Variants in TNK2 observed in about 807,000 individuals in gnomAD.
The protein encoded by TNK2 is tyrosine kinase non receptor 2.
A neutral mutation model predicts 101.8 loss-of-function variants in TNK2; 83 were observed. The ratio of observed to expected loss-of-function variants is 0.82; its 90% confidence interval spans 0.68 to 0.98. The LOEUF is 0.98. Ranked by LOEUF, TNK2 falls within the 50% of genes least tolerant of loss-of-function variation. The pLI, the probability that TNK2 is intolerant of heterozygous loss-of-function variation, is 0.00. For missense variants in TNK2, 1,665 were observed against 1,483.2 expected (o/e 1.12, Z -2.01); for synonymous variants, 804 against 633.0 (o/e 1.27, Z -4.06).
At chr3:195,887,879 C>G (rs538267761) in intron 2 of TNK2, among the ~76,000 whole-genome samples, 12 of 135,372 alleles carry the variant, frequency 8.9e-5, no homozygotes, top group Admixed American at 8.0e-4. Flanking sequence ...CGTGTGAGCG[C>G]GTGCGTACGC....
intron 9 of TNK2, among the ~76,000 whole-genome samples, chr3:195,873,480 G>A (rs1032356093): frequency 6.6e-6 from 1 of 151,658 alleles, no homozygotes; most frequent in Non-Finnish European, 1.5e-5. Context: ...TGAGAGCCCC[G>A]TGGGCAGTGT....
intron 1 of TNK2, chr3:195,892,358 G>C: frequency 4.1e-6 from 6 of 1,471,198 alleles, no homozygotes; most frequent in Non-Finnish European, 5.4e-6. Context: ...TCAAGTGCTG[G>C]TGCTGAGGAG....
intron 9 of TNK2, among the ~76,000 whole-genome samples, chr3:195,875,461 A>AGTAAACTCCCCCTCG (rs1432409754): frequency 6.8e-5 from 10 of 147,788 alleles, no homozygotes; most frequent in Non-Finnish European, 1.0e-4. Flanking sequence ...TCGGAGGCAC[A>AGTAAACTCCCCCTCG]GGAAGCTCCC....
At chr3:195,893,565 G>A (rs1050975468) in intron 1 of TNK2, among the ~76,000 whole-genome samples, 3 of 152,084 alleles carry the variant, frequency 2.0e-5, no homozygotes, top group Non-Finnish European at 4.4e-5. Flanking sequence ...TCAAGCCCCC[G>A]TGGGGCCCTC....
chr3:195,885,560 A>G lies in TNK2; in HGVS notation c.235-527T>C. On this transcript the variant is annotated intron_variant, in intron 3 of 15. Transcript: ENST00000672887. The surrounding 1 kb of genome is among the most constrained non-coding windows in gnomAD (Gnocchi z 4.7). ...CCCTTCATCCTGCCCAGGGGAGAGGATAATTTTAGTCTGAGGTTGAACCGT... is the reference window on the plus strand; with the variant it reads ...CCCTTCATCCTGCCCAGGGGAGAGGGTAATTTTAGTCTGAGGTTGAACCGT... 7.7e-7 allele frequency: 1 copy of G among 1,290,622 alleles called. No individual in the cohort carries two copies. Among genetic ancestry groups the G allele is most frequent in the Non-Finnish European group, 1.0e-6 (1 of 989,494 alleles). 79.9% of individuals were successfully genotyped at this position (1,290,622 alleles called of 1,614,324 possible). A position where few individuals can be genotyped will look rare whatever the true frequency, so the allele number is the denominator to read the frequency against.
At chr3:195,875,665 T>C (rs199645713) in intron 9 of TNK2, among the ~76,000 whole-genome samples, 1 of 141,810 alleles carries the variant, frequency 7.1e-6, no homozygotes, top group Non-Finnish European at 1.5e-5. Context: ...GCCCTCTCTC[T>C]CCCGCCATGA....
At chr3:195,877,122 G>A (rs568808692) in intron 9 of TNK2, among the ~76,000 whole-genome samples, 9 of 152,154 alleles carry the variant, frequency 5.9e-5, no homozygotes, top group Middle Eastern at 3.4e-3. Context: ...GGAGCGCCAC[G>A]CTTGCAATCC....
intron 9 of TNK2, among the ~76,000 whole-genome samples, chr3:195,873,431 T>C (rs905174356): frequency 7.8e-6 from 1 of 127,518 alleles, no homozygotes; most frequent in African/African-American, 2.8e-5. Context: ...GCGGGGGCGG[T>C]GAGAGCCCCG....
intron 1 of TNK2, among the ~76,000 whole-genome samples, chr3:195,906,971 G>A (rs1317148949): frequency 1.3e-5 from 2 of 152,038 alleles, no homozygotes; most frequent in African/African-American, 2.4e-5. Flanking sequence ...CTGGCCCACC[G>A]CAGACACCAA....
At chr3:195,908,147 G>A (rs1761935455) in intron 1 of TNK2, 1 of 153,900 alleles carries the variant, frequency 6.5e-6, no homozygotes, top group African/African-American at 2.4e-5. Flanking sequence ...ATAGCATGGA[G>A]GCACCCCTAC....
At chr3:195,889,518 A>G (rs1331626665) in intron 1 of TNK2, among the ~76,000 whole-genome samples, 2 of 152,164 alleles carry the variant, frequency 1.3e-5, no homozygotes, top group African/African-American at 4.8e-5. Context: ...TTGTCCCTAC[A>G]CGAATATTCA....
Position 195,873,975 on chromosome 3 carries a change from C to T in TNK2, c.1257-1505G>A, listed in dbSNP as rs182008143. Among the ~76,000 whole-genome samples the T allele has an allele frequency of 7.2e-5, 11 of 152,258 alleles. No individual in the cohort carries two copies. The East Asian group carries it at 1.4e-3, about 19-fold the overall frequency. ...GAAGGAAGGAGAGAGGACAGTACCCCGAGACGAGACGAGTCCCATCTGAAA... is the reference window on the plus strand; with the variant it reads ...GAAGGAAGGAGAGAGGACAGTACCCTGAGACGAGACGAGTCCCATCTGAAA... On this transcript the variant is annotated intron_variant, in intron 9 of 15. Transcript: ENST00000672887.
In TNK2 at chr3:195,884,001, T is replaced by C. The variant is rs116571703; in HGVS notation, c.457-692A>G. On this transcript the variant is annotated intron_variant, in intron 4 of 15. Coordinates refer to ENST00000672887, the MANE Select transcript of TNK2 (RefSeq NM_001382273.1). The stretch of plus-strand genomic sequence containing the variant: ...AAGGACGCACTGAGTGGACGGAGAA[T>C]GAGGAGCCCTCTGAGGTGCTGGGAA... 3.5e-3 allele frequency: 528 copies of C among 152,462 alleles called. 3 individuals are homozygous for C. Among genetic ancestry groups the C allele is most frequent in the East Asian group, 8.5e-3 (44 of 5,182 alleles). 9.4% of individuals were successfully genotyped at this position (152,462 alleles called of 1,614,324 possible).
intron 10 of TNK2, 150 bp from the exon 11 acceptor site, chr3:195,870,355 C>A: frequency 6.6e-7 from 1 of 1,505,194 alleles, no homozygotes. Context: ...AGAACCTGAC[C>A]GCACGTCTCA....
chr3:195,882,030 C>G lies in TNK2; in HGVS notation c.887+21G>C, dbSNP rs1753378066. ...CCTGGGTCTGCAGGGACTCTGTGAG[C>G]TGGCAGCACCTGCCCCTCACCAGGC... On this transcript the variant is annotated intron_variant, in intron 6 of 15. Transcript: ENST00000672887. This position sits in a 1 kb window ranked among gnomAD's most constrained non-coding sequence, Gnocchi z 4.2. The G allele has an allele frequency of 6.3e-6, 10 of 1,596,820 alleles. No homozygotes were observed. The highest frequency in any genetic ancestry group is 8.6e-6 in the Non-Finnish European group (10 of 1,169,012).
chr3:195,885,402 C>G lies in TNK2; in HGVS notation c.235-369G>C. ...TCCTGCACCCGCCACCCCGCAGACT[C>G]CAGCCCTAACCCGCATCGATGGAGC... On this transcript the variant is annotated intron_variant, in intron 3 of 15. Coordinates refer to ENST00000672887, the MANE Select transcript of TNK2 (RefSeq NM_001382273.1). This position sits in a 1 kb window ranked among gnomAD's most constrained non-coding sequence, Gnocchi z 4.7. The G allele has an allele frequency of 3.7e-6, 5 of 1,347,092 alleles. No individual in the cohort carries two copies. The highest frequency in any genetic ancestry group is 4.9e-6 in the Non-Finnish European group (5 of 1,026,836). The allele number at this position is 1,347,092 out of a possible 1,614,324, so 83.4% of individuals were successfully genotyped here.
intron 4 of TNK2, 89 bp from the exon 5 acceptor site, chr3:195,883,398 C>T (rs189562053): frequency 1.9e-5 from 29 of 1,496,754 alleles, no homozygotes; most frequent in Non-Finnish European, 2.5e-5. Flanking sequence ...CTCGGCTCAA[C>T]GATCCCTGCC....
chr3:195,896,389 G>A (rs1053433469), intron 1 of TNK2: 1 of 308,154 alleles, frequency 3.2e-6, no homozygotes, highest in African/African-American at 2.3e-5. Context: ...CACTAGGTGA[G>A]GCTCCCTCTA....
At chr3:195,892,870 G>T in intron 1 of TNK2, 1 of 489,260 alleles carries the variant, frequency 2.0e-6, no homozygotes, top group Non-Finnish European at 2.7e-6. Flanking sequence ...GACACTGGCT[G>T]AAAAAGGACC....
Sources: allele counts gnomAD v4.1 joint callset (sites outside exome capture counted in the v4.1 genomes callset), GRCh38; gene constraint gnomAD v4.1.1; non-coding constraint Gnocchi (gnomAD v3.1); transcripts MANE v1.5; gene names NCBI Gene and HGNC (gene_info 2026-07-23, HGNC 2026-07-21).